PPP2R2B: variants seen among roughly 807,000 people sequenced by gnomAD.
The protein encoded by PPP2R2B is protein phosphatase 2 regulatory subunit Bbeta.
In PPP2R2B, 5 loss-of-function variants were observed where a neutral mutation model predicts 46.0. That is an observed-to-expected ratio of 0.11 (90% CI 0.06 to 0.23). The LOEUF (loss-of-function observed/expected upper bound fraction) is 0.23, where lower values mean the gene tolerates loss of function less well. Ranked by LOEUF, PPP2R2B falls within the 10% of genes least tolerant of loss-of-function variation. PPP2R2B has a pLI of 1.00. For missense variants in PPP2R2B, 367 were observed against 575.0 expected (o/e 0.64, Z 3.70); for synonymous variants, 215 against 206.7 (o/e 1.04, Z -0.34).
At chr5:146,739,201 T>C (rs1050192105) in intron 2 of PPP2R2B, among the ~76,000 whole-genome samples, 22 of 152,258 alleles carry the variant, frequency 1.4e-4, no homozygotes, top group Middle Eastern at 3.4e-3. Flanking sequence ...TTTATTTATG[T>C]AAAGACAGGG....
intron 1 of PPP2R2B, among the ~76,000 whole-genome samples, chr5:147,044,943 C>T (rs1250181076): frequency 6.6e-6 from 1 of 152,196 alleles, no homozygotes; most frequent in South Asian, 2.1e-4. Flanking sequence ...CCTGGAAGAG[C>T]AAATTCACTC....
At chr5:146,674,558 C>T (rs1246188959) in intron 5 of PPP2R2B, among the ~76,000 whole-genome samples, 1 of 152,144 alleles carries the variant, frequency 6.6e-6, no homozygotes, top group Non-Finnish European at 1.5e-5. Flanking sequence ...TCATATATTT[C>T]CCTTCTGGTC....
At chr5:146,863,875 C>A (rs891595975) in intron 2 of PPP2R2B, among the ~76,000 whole-genome samples, 3 of 152,120 alleles carry the variant, frequency 2.0e-5, no homozygotes, top group Non-Finnish European at 4.4e-5. Flanking sequence ...CCAACTGTAA[C>A]CCCCAAAGAC....
intron 7 of PPP2R2B, 49 bp from the exon 8 acceptor site, chr5:146,600,509 G>T (rs754751919): frequency 1.7e-5 from 27 of 1,579,760 alleles, no homozygotes; most frequent in Non-Finnish European, 2.2e-5. Flanking sequence ...CTTATCAACT[G>T]ACTCTAACAT....
At chr5:147,076,137 G>A (rs1757757027) in intron 2 of PPP2R2B, among the ~76,000 whole-genome samples, 1 of 151,840 alleles carries the variant, frequency 6.6e-6, no homozygotes, top group African/African-American at 2.4e-5. Context: ...TGCGTTTCCT[G>A]GATAAATGTA....
At chr5:146,619,637 G>A (rs993206069) in intron 7 of PPP2R2B, among the ~76,000 whole-genome samples, 18 of 152,162 alleles carry the variant, frequency 1.2e-4, no homozygotes, top group African/African-American at 2.2e-4. Flanking sequence ...AAACTTGAGC[G>A]TGTGATCAAA....
intron 2 of PPP2R2B, among the ~76,000 whole-genome samples, chr5:146,808,158 C>T (rs1341856093): frequency 6.6e-6 from 1 of 152,086 alleles, no homozygotes; most frequent in Non-Finnish European, 1.5e-5. Flanking sequence ...CTTGCTATTT[C>T]AAACCCAGTC....
intron 2 of PPP2R2B, among the ~76,000 whole-genome samples, chr5:146,873,377 C>T (rs756933755): frequency 8.5e-5 from 13 of 152,186 alleles, no homozygotes; most frequent in Non-Finnish European, 1.6e-4. Context: ...TACACAGCAG[C>T]CAGATTAAAC....
At chr5:146,844,355 A>AT (rs1225442247) in intron 2 of PPP2R2B, among the ~76,000 whole-genome samples, 5 of 103,662 alleles carry the variant, frequency 4.8e-5, no homozygotes, top group African/African-American at 1.2e-4. Context: ...GAGTATAATA[A>AT]AAAAAAAAAA....
chr5:146,728,854 A>G lies in PPP2R2B; in HGVS notation c.71-27712T>C, dbSNP rs115986832. Among the ~76,000 whole-genome samples the G allele has an allele frequency of 8.7e-3, 1,327 of 152,302 alleles. 23 individuals are homozygous for G. The highest frequency in any genetic ancestry group is 0.031 in the African/African-American group (1,271 of 41,560). ...GGCCTCCCCAGCCATGTGGAACCAT[A>G]TAAGTCCAATTAAACCTCTTTTTAT... On this transcript the variant is annotated intron_variant, in intron 2 of 9. Transcript: ENST00000394411.
At chr5:147,020,019 G>A (rs975981735) in intron 1 of PPP2R2B, among the ~76,000 whole-genome samples, 1 of 152,050 alleles carries the variant, frequency 6.6e-6, no homozygotes, top group Non-Finnish European at 1.5e-5. Context: ...TATTAACCTG[G>A]CCTAGATGTT....
rs77054758 is a variant in PPP2R2B at position 146,947,305 on chromosome 5, C to T, written c.79+108360G>A. Among the ~76,000 whole-genome samples the T allele has an allele frequency of 5.7e-3, 870 of 152,264 alleles. 26 individuals carry two copies. The East Asian group carries it at 0.067, about 12-fold the overall frequency. On this transcript the variant is annotated intron_variant, in intron 1 of 8. Transcript: ENST00000336640. Reference sequence around the variant, plus strand: ...CATTATTCTACCTGCATGTGCTTTGCGCCTACTTCATAATTTCCAAAGCCT... The same window carrying T: ...CATTATTCTACCTGCATGTGCTTTGTGCCTACTTCATAATTTCCAAAGCCT...
intron 2 of PPP2R2B, among the ~76,000 whole-genome samples, chr5:147,064,091 G>A (rs1220203532): frequency 1.3e-5 from 2 of 152,208 alleles, no homozygotes; most frequent in Non-Finnish European, 2.9e-5. Context: ...GCCTGCATGA[G>A]AGTTCTGTTT....
chr5:146,906,381 G>A (rs1289893335), intron 1 of PPP2R2B, among the ~76,000 whole-genome samples: 1 of 152,050 alleles, frequency 6.6e-6, no homozygotes, highest in Non-Finnish European at 1.5e-5. Context: ...GGAGTGCAAT[G>A]GCGCGATCTC....
Position 146,618,966 on chromosome 5 carries a change from G to A in PPP2R2B, c.791-18506C>T, listed in dbSNP as rs1378625070. Reference sequence around the variant, plus strand: ...GTGCTCAGACATCTACAGTGACTCTGTGTGGCTGATAGCCAACAGTCCTAC... The same window carrying A: ...GTGCTCAGACATCTACAGTGACTCTATGTGGCTGATAGCCAACAGTCCTAC... On this transcript the variant is annotated intron_variant, in intron 7 of 9. Transcript: ENST00000394411. Among the ~76,000 whole-genome samples, 3 of 152,300 alleles carry A rather than the reference G, an allele frequency of 2.0e-5. No individual in the cohort carries two copies. In the South Asian group the frequency reaches 6.2e-4, roughly 32 times the overall value.
upstream of PPP2R2B, among the ~76,000 whole-genome samples, chr5:147,056,526 A>G (rs1757088461): frequency 6.6e-6 from 1 of 152,200 alleles, no homozygotes; most frequent in Non-Finnish European, 1.5e-5. Context: ...ATAGAAAGCC[A>G]CAACGCAAGA....
At chr5:146,996,408 G>A (rs984163627) in intron 1 of PPP2R2B, among the ~76,000 whole-genome samples, 1 of 152,152 alleles carries the variant, frequency 6.6e-6, no homozygotes, top group African/African-American at 2.4e-5. Flanking sequence ...GCTATAGTTT[G>A]CATGGAAGAA....
At chr5:146,969,890 C>G (rs1289805004) in intron 1 of PPP2R2B, among the ~76,000 whole-genome samples, 1 of 152,180 alleles carries the variant, frequency 6.6e-6, no homozygotes, top group Non-Finnish European at 1.5e-5. Context: ...AGTGAATGTC[C>G]AAGTGGAGAT....
At chr5:146,695,963 CA>C (rs1280987362) in intron 4 of PPP2R2B, among the ~76,000 whole-genome samples, 1 of 152,038 alleles carries the variant, frequency 6.6e-6, no homozygotes, top group Admixed American at 6.6e-5. Flanking sequence ...AACAGTATCC[CA>C]AATGGGAAGA....
Sources: allele counts gnomAD v4.1 joint callset (sites outside exome capture counted in the v4.1 genomes callset), GRCh38; gene constraint gnomAD v4.1.1; transcripts MANE v1.5; gene names NCBI Gene and HGNC (gene_info 2026-07-23, HGNC 2026-07-21).